The following XYLB variants were observed in gnomAD, a reference collection of about 807,000 sequenced individuals.
XYLB encodes the protein xylulokinase, also known as xylulose kinase.
XYLB carries 62 observed loss-of-function variants against 78.7 expected under a neutral mutation model. That is an observed-to-expected ratio of 0.79 (90% CI 0.64 to 0.97). The LOEUF is 0.97. XYLB is among the 50% of genes least tolerant of loss of function. XYLB has a pLI of 0.00. For synonymous variants in XYLB, 245 were observed against 247.4 expected, an observed-to-expected ratio of 0.99 and a Z score of 0.09; for missense variants, 687 against 676.8, an observed-to-expected ratio of 1.02 and a Z score of -0.17.
chr3:38,441,947 C>A, the XYLB span, among the ~76,000 whole-genome samples: 1 of 152,128 alleles, frequency 6.6e-6, no homozygotes, highest in Non-Finnish European at 1.5e-5. Context: ...GTACTAGGGC[C>A]TGCTTTAAGG....
At chr3:38,423,304 C>T (rs529529371), downstream of XYLB, among the ~76,000 whole-genome samples, 204 of 152,266 alleles carry the variant, frequency 1.3e-3, no homozygotes, top group Non-Finnish European at 2.1e-3. Flanking sequence ...GATCTCCTGA[C>T]CTTGTGATCC....
intron 2 of XYLB, among the ~76,000 whole-genome samples, chr3:38,351,672 G>A (rs113710379): frequency 6.6e-6 from 1 of 152,080 alleles, no homozygotes; most frequent in African/African-American, 2.4e-5. Context: ...CTTTGCAAGC[G>A]ATGCCTCCTT....
At chr3:38,365,583 C>T (rs1184880947) in intron 5 of XYLB, 25 bp from the exon 6 acceptor site, 3 of 1,598,410 alleles carry the variant, frequency 1.9e-6, no homozygotes, top group East Asian at 4.5e-5. Context: ...GGAGCTTAAG[C>T]CTGTGCCTTT....
chr3:38,410,029 A>G (rs13081365), intron 18 of XYLB, among the ~76,000 whole-genome samples: 75,353 of 151,876 alleles, frequency 0.5, 20,321 homozygotes, highest in Non-Finnish European at 0.61. Context: ...ATTGGAAAAT[A>G]CTACTTTAAA....
the XYLB span, among the ~76,000 whole-genome samples, chr3:38,429,518 A>AGATCTT: frequency 1.3e-5 from 2 of 152,176 alleles, no homozygotes; most frequent in Non-Finnish European, 2.9e-5. Context: ...TCCAAGATCA[A>AGATCTT]GGTGTTCACA....
At chr3:38,404,005 A>G (rs745956924) in intron 18 of XYLB, among the ~76,000 whole-genome samples, 3 of 152,148 alleles carry the variant, frequency 2.0e-5, no homozygotes. Context: ...ACTTCTTGAG[A>G]GCAGGGCCAC....
chr3:38,360,270 G>T (rs2125569516), intron 2 of XYLB, 69 bp from the exon 3 acceptor site: 2 of 1,424,790 alleles, frequency 1.4e-6, no homozygotes, highest in Non-Finnish European at 2.0e-6. Context: ...CCACCATAGG[G>T]TTTCTCCTGG....
intron 17 of XYLB, among the ~76,000 whole-genome samples, chr3:38,400,660 C>G (rs543806442): frequency 3.4e-4 from 51 of 152,092 alleles, no homozygotes; most frequent in Admixed American, 9.2e-4. Flanking sequence ...CTGCACTTGC[C>G]ATTTTTTTGT....
At chr3:38,395,268 A>G (rs1029083117) in intron 15 of XYLB, among the ~76,000 whole-genome samples, 4 of 152,184 alleles carry the variant, frequency 2.6e-5, no homozygotes, top group Admixed American at 2.6e-4. Context: ...GAGATATTTA[A>G]AACAAAAAAA....
At chr3:38,358,979 G>A (rs954089864) in intron 2 of XYLB, among the ~76,000 whole-genome samples, 3 of 152,196 alleles carry the variant, frequency 2.0e-5, no homozygotes, top group Non-Finnish European at 2.9e-5. Flanking sequence ...GACAAGCTCG[G>A]TTGTGGAGAC....
chr3:38,365,977 A>G (rs1575473218), intron 6 of XYLB, among the ~76,000 whole-genome samples: 1 of 151,718 alleles, frequency 6.6e-6, no homozygotes, highest in African/African-American at 2.4e-5. Flanking sequence ...GGGTGAGGGT[A>G]CCCCCTCAAT....
rs1706291901 is a variant in XYLB, at chr3:38,366,868, A to G, written c.568A>G (p.Thr190Ala). 6.2e-7 allele frequency: 1 copy of G among 1,610,544 alleles called. No individual in the cohort carries two copies. The highest frequency in any genetic ancestry group is 2.2e-5 in the East Asian group (1 of 44,860). ...GCAGAACCCCGAGGCCTACTCACAT[A>G]CGGAGGTTGGTTAAATGTTCCTGTT... Reference protein sequence around the residue: ...YQQNPEAYSHTERISLVSSFA... With the variant: ...YQQNPEAYSHAERISLVSSFA... Residue 190 changes from threonine (T) to alanine (A), a missense_variant, in exon 7 of 19, where the codon ACG becomes GCG. Physicochemically the swap from Thr to Ala is moderately conservative, Grantham distance 58. Transcript: ENST00000207870.
chr3:38,431,068 G>A, the XYLB span, among the ~76,000 whole-genome samples: 1 of 152,208 alleles, frequency 6.6e-6, no homozygotes, highest in East Asian at 1.9e-4. Context: ...GAACTTTAAA[G>A]TAGTTTTTTC....
the XYLB span, among the ~76,000 whole-genome samples, chr3:38,429,390 T>C: frequency 6.6e-6 from 1 of 152,232 alleles, no homozygotes; most frequent in African/African-American, 2.4e-5. Flanking sequence ...ATTGCCAATA[T>C]GCATATTTTA....
chr3:38,425,360 C>G (rs1709079469), downstream of XYLB, among the ~76,000 whole-genome samples: 1 of 152,150 alleles, frequency 6.6e-6, no homozygotes. Flanking sequence ...TTACTGGCAT[C>G]CCATATAATT....
the XYLB span, among the ~76,000 whole-genome samples, chr3:38,449,926 AACC>A: frequency 6.6e-6 from 1 of 152,248 alleles, no homozygotes; most frequent in Non-Finnish European, 1.5e-5. Context: ...GACCTCAAGT[AACC>A]ACCATTAAGT....
chr3:38,348,467 C>T, intron 1 of XYLB, 83 bp from the exon 2 acceptor site: 6 of 1,338,000 alleles, frequency 4.5e-6, no homozygotes, highest in Admixed American at 1.7e-5. Context: ...GGTGTGGGGC[C>T]TCATCTGGTG....
chr3:38,379,151 C>A, intron 14 of XYLB, 95 bp from the exon 15 acceptor site: 1 of 1,262,178 alleles, frequency 7.9e-7, no homozygotes, highest in Non-Finnish European at 1.2e-6. Flanking sequence ...CAAATCTGGG[C>A]TGTTGTTTAA....
Position 38,379,286 on chromosome 3 carries a change from T to C in XYLB, c.1235T>C (p.Ile412Thr), listed in dbSNP as rs923360212. ...FPGDVEVRALIEGQFMAKRIH... is the reference protein window; with the variant it reads ...FPGDVEVRALTEGQFMAKRIH... Reference sequence around the variant, plus strand: ...GGGGATGTGGAGGTTCGAGCACTAATTGAAGGACAATTCATGGCCAAGAGG... The same window carrying C: ...GGGGATGTGGAGGTTCGAGCACTAACTGAAGGACAATTCATGGCCAAGAGG... Residue 412 changes from isoleucine (I) to threonine (T), a missense_variant, in exon 15 of 19, where the codon ATT becomes ACT. By Grantham distance (89) the Ile-to-Thr change is moderately conservative (BLOSUM62 -1). Coordinates refer to ENST00000207870, the MANE Select transcript of XYLB (RefSeq NM_005108.4). 5.0e-6 allele frequency: 8 copies of C among 1,613,992 alleles called. No homozygotes were observed. Among genetic ancestry groups the C allele is most frequent in the Non-Finnish European group, 6.8e-6 (8 of 1,180,032 alleles).
Sources: gnomAD v4.1 joint callset for allele counts (sites outside exome capture counted in the v4.1 genomes callset) on GRCh38, gnomAD v4.1.1 for gene constraint, MANE v1.5 for transcripts, NCBI Gene and HGNC (gene_info 2026-07-23, HGNC 2026-07-21) for gene names.